B4GALT1: variants seen among roughly 807,000 people sequenced by gnomAD.
B4GALT1 encodes N-acetyllactosamine synthase.
Under a neutral mutation model 34.9 loss-of-function variants are expected in B4GALT1, and 16 were observed. The ratio of observed to expected loss-of-function variants is 0.46; its 90% CI spans 0.31 to 0.70. The LOEUF is 0.70. Among genes scored for constraint, B4GALT1 ranks in the 30% least tolerant of loss-of-function variants. B4GALT1 has a pLI of 0.05. For missense variants in B4GALT1, 445 were observed against 530.5 expected (o/e 0.84, Z 1.58); for synonymous variants, 221 against 218.1 (o/e 1.01, Z -0.12).
chr9:33,164,906 T>C (rs1840725479), intron 1 of B4GALT1, among the ~76,000 whole-genome samples: 1 of 151,688 alleles, frequency 6.6e-6, no homozygotes, highest in South Asian at 2.1e-4. Flanking sequence ...AAAATGAAAC[T>C]TTTTAAAGAT....
intron 2 of B4GALT1, 108 bp downstream of exon 2, chr9:33,135,081 C>T: frequency 8.6e-7 from 1 of 1,167,062 alleles, no homozygotes; most frequent in Non-Finnish European, 1.2e-6. Context: ...GCTGTAAGTG[C>T]CAGGTGTCTG....
chr9:33,145,158 A>G (rs1400328220), intron 1 of B4GALT1, among the ~76,000 whole-genome samples: 1 of 152,144 alleles, frequency 6.6e-6, no homozygotes, highest in Non-Finnish European at 1.5e-5. Context: ...TTTTGTTTCT[A>G]GGTTTAGCAC....
intron 3 of B4GALT1, among the ~76,000 whole-genome samples, chr9:33,117,642 A>G (rs1041241955): frequency 6.6e-6 from 1 of 152,244 alleles, no homozygotes; most frequent in African/African-American, 2.4e-5. Context: ...CATACAGAAC[A>G]TATGAAAATA....
upstream of B4GALT1, among the ~76,000 whole-genome samples, chr9:33,169,721 A>G (rs898772771): frequency 6.6e-6 from 1 of 151,662 alleles, no homozygotes; most frequent in African/African-American, 2.4e-5. Flanking sequence ...GGATTTCACC[A>G]TGTTGGCCAG....
At chr9:33,137,568 C>T (rs1217181771) in intron 1 of B4GALT1, among the ~76,000 whole-genome samples, 1 of 152,314 alleles carries the variant, frequency 6.6e-6, no homozygotes, top group South Asian at 2.1e-4. Flanking sequence ...TCAGTGGTCA[C>T]CCTGGACAAG....
chr9:33,124,255 C>T (rs1840062800), intron 2 of B4GALT1, among the ~76,000 whole-genome samples: 1 of 152,246 alleles, frequency 6.6e-6, no homozygotes, highest in Admixed American at 6.5e-5. Context: ...CCCAGCTTCA[C>T]TCCTGCCCTC....
intron 1 of B4GALT1, among the ~76,000 whole-genome samples, chr9:33,140,854 T>C (rs1293606618): frequency 6.6e-6 from 1 of 152,266 alleles, no homozygotes; most frequent in Admixed American, 6.5e-5. Context: ...GCTTGCAGCA[T>C]TCTCGTGAAA....
chr9:33,122,175 G>A (rs1448180941), intron 2 of B4GALT1, among the ~76,000 whole-genome samples: 2 of 152,094 alleles, frequency 1.3e-5, no homozygotes, highest in Non-Finnish European at 2.9e-5. Context: ...CTTGCGACTG[G>A]TACACAATCT....
intron 2 of B4GALT1, among the ~76,000 whole-genome samples, chr9:33,124,385 CTTTA>C (rs1840064568): frequency 1.3e-5 from 2 of 152,214 alleles, no homozygotes; most frequent in Admixed American, 6.5e-5. Flanking sequence ...ATGCTGGCTT[CTTTA>C]TTTATTAGCT....
downstream of B4GALT1, among the ~76,000 whole-genome samples, chr9:33,106,647 C>T (rs547700952): frequency 1.3e-4 from 20 of 152,304 alleles, no homozygotes; most frequent in Non-Finnish European, 2.4e-4. Flanking sequence ...TAGCTTACCC[C>T]GTGATGCTCC....
the B4GALT1 span, among the ~76,000 whole-genome samples, chr9:33,178,734 G>A: frequency 6.6e-6 from 1 of 152,212 alleles, no homozygotes; most frequent in Admixed American, 6.5e-5. Flanking sequence ...ATCCTAGAAA[G>A]GCCAACAGAA....
chr9:33,165,703 C>T (rs1454513404), intron 1 of B4GALT1, among the ~76,000 whole-genome samples: 5 of 152,190 alleles, frequency 3.3e-5, no homozygotes, highest in Non-Finnish European at 7.3e-5. Flanking sequence ...TATCTAAAAC[C>T]TAGCATTAGA....
Position 33,111,870 on chromosome 9 carries a change from G to A in B4GALT1, c.*1584C>T, listed in dbSNP as rs1376773886. On this transcript the variant is annotated 3_prime_UTR_variant, in exon 6 of 6. Transcript: ENST00000379731. ...AGCCCTGTGGGTGGGAGCCTCAACTGGGGTGGGAGCACCTGTGAAAACCTG... is the reference window on the plus strand; with the variant it reads ...AGCCCTGTGGGTGGGAGCCTCAACTAGGGTGGGAGCACCTGTGAAAACCTG... 1 of 152,626 alleles carries A rather than the reference G, an allele frequency of 6.6e-6. No individual in the cohort carries two copies. Among genetic ancestry groups the A allele is most frequent in the Non-Finnish European group, 1.5e-5 (1 of 68,064 alleles). The allele number at this position is 152,626 out of a possible 1,614,324, so 9.5% of individuals were successfully genotyped here.
intron 3 of B4GALT1, 94 bp downstream of exon 3, chr9:33,120,325 T>C: frequency 2.8e-6 from 4 of 1,419,444 alleles, no homozygotes; most frequent in Non-Finnish European, 4.0e-6. Context: ...GCTCCAGAGC[T>C]TAAAGAGGCA....
intron 1 of B4GALT1, among the ~76,000 whole-genome samples, chr9:33,138,372 A>T (rs1014957440): frequency 5.9e-5 from 9 of 152,170 alleles, no homozygotes; most frequent in Non-Finnish European, 1.2e-4. Flanking sequence ...ATGCTCTCTA[A>T]GGTCTCAGAA....
At chr9:33,125,107 A>G (rs1257220415) in intron 2 of B4GALT1, among the ~76,000 whole-genome samples, 2 of 152,258 alleles carry the variant, frequency 1.3e-5, no homozygotes, top group Non-Finnish European at 2.9e-5. Context: ...GAAAGGCCAG[A>G]AAACATATAA....
At chr9:33,114,687 G>A (rs542574119) in intron 4 of B4GALT1, among the ~76,000 whole-genome samples, 1 of 152,358 alleles carries the variant, frequency 6.6e-6, no homozygotes, top group East Asian at 1.9e-4. Flanking sequence ...GAAAAGGAAT[G>A]AGGACCAAAA....
chr9:33,120,713 T>C (rs1398354137), intron 2 of B4GALT1, 107 bp from the exon 3 acceptor site: 1 of 1,152,078 alleles, frequency 8.7e-7, no homozygotes, highest in Admixed American at 1.9e-5. Flanking sequence ...AGGAAACTCT[T>C]GGGCCTCACT....
the B4GALT1 span, among the ~76,000 whole-genome samples, chr9:33,180,450 G>A: frequency 2.0e-5 from 3 of 152,172 alleles, no homozygotes; most frequent in Non-Finnish European, 2.9e-5. Context: ...AGACAGGGCT[G>A]AAGGCAGCAT....
Sources: allele counts gnomAD v4.1 joint callset (sites outside exome capture counted in the v4.1 genomes callset), GRCh38; gene constraint gnomAD v4.1.1; transcripts MANE v1.5; gene names NCBI Gene and HGNC (gene_info 2026-07-23, HGNC 2026-07-21).